Variants in RCAN2 observed in about 807,000 individuals in gnomAD.
RCAN2 encodes the protein regulator of calcineurin 2.
RCAN2 carries 9 observed loss-of-function variants against 23.6 expected under a neutral mutation model. The observed-to-expected ratio is 0.38, with a 90% CI of 0.23 to 0.67. The LOEUF (loss-of-function observed/expected upper bound fraction) is 0.67. Among genes scored for constraint, RCAN2 ranks in the 30% least tolerant of loss-of-function variants. The pLI is 0.51. For missense variants in RCAN2, 273 were observed against 302.3 expected, an observed-to-expected ratio of 0.90 and a Z score of 0.72; for synonymous variants, 109 against 115.7, an observed-to-expected ratio of 0.94 and a Z score of 0.37.
At chr6:46,443,092 T>G (rs1474687007) in intron 2 of RCAN2, among the ~76,000 whole-genome samples, 1 of 152,196 alleles carries the variant, frequency 6.6e-6, no homozygotes, top group African/African-American at 2.4e-5. Context: ...AATTTAAATA[T>G]TCCTTAAGAC....
intron 1 of RCAN2, among the ~76,000 whole-genome samples, chr6:46,466,209 G>A (rs1207494180): frequency 6.6e-6 from 1 of 152,152 alleles, no homozygotes; most frequent in Non-Finnish European, 1.5e-5. Flanking sequence ...TTCAAAAGTG[G>A]GCAGCAAAGC....
intron 2 of RCAN2, among the ~76,000 whole-genome samples, chr6:46,264,382 T>G (rs529647442): frequency 2.0e-5 from 3 of 152,344 alleles, no homozygotes; most frequent in East Asian, 1.9e-4. Flanking sequence ...GGCATTTGCA[T>G]TCTTTTAAGA....
chr6:46,480,122 C>A (rs946158321), intron 1 of RCAN2, among the ~76,000 whole-genome samples: 4 of 152,160 alleles, frequency 2.6e-5, no homozygotes, highest in Non-Finnish European at 5.9e-5. Flanking sequence ...CCCACTTTGA[C>A]AAGGAATGGT....
intron 2 of RCAN2, among the ~76,000 whole-genome samples, chr6:46,294,297 A>G (rs924031637): frequency 1.1e-4 from 17 of 152,206 alleles, no homozygotes; most frequent in Admixed American, 5.9e-4. Flanking sequence ...ATCAGAAAAC[A>G]TATAATTTAA....
chr6:46,234,300 C>T (rs1180921190), intron 4 of RCAN2, among the ~76,000 whole-genome samples: 2 of 152,222 alleles, frequency 1.3e-5, no homozygotes, highest in African/African-American at 4.8e-5. Flanking sequence ...TTAACAGCTG[C>T]TGAGAACCAC....
intron 1 of RCAN2, among the ~76,000 whole-genome samples, chr6:46,475,504 A>G (rs1475966448): frequency 6.6e-6 from 1 of 152,214 alleles, no homozygotes; most frequent in African/African-American, 2.4e-5. Flanking sequence ...ACTTGAAGGG[A>G]AGTGAAGAAG....
At chr6:46,476,592 T>C (rs1416800215) in intron 1 of RCAN2, among the ~76,000 whole-genome samples, 1 of 152,194 alleles carries the variant, frequency 6.6e-6, no homozygotes, top group Non-Finnish European at 1.5e-5. Context: ...AAAGGAAACA[T>C]ATATTTTTGT....
At chr6:46,335,969 C>T (rs1245562590) in intron 2 of RCAN2, among the ~76,000 whole-genome samples, 1 of 152,128 alleles carries the variant, frequency 6.6e-6, no homozygotes, top group Non-Finnish European at 1.5e-5. Context: ...GTAATTTGCC[C>T]AAGGACAACT....
chr6:46,248,796 G>T lies in RCAN2; in HGVS notation c.326C>A (p.Ser109Tyr). The T allele has an allele frequency of 6.2e-7, 1 of 1,613,400 alleles. No homozygotes were observed. The highest frequency in any genetic ancestry group is 8.5e-7 in the Non-Finnish European group (1 of 1,179,788). Residue 109 changes from serine (S) to tyrosine (Y), a missense_variant, in exon 3 of 5, where the codon TCT becomes TAT. Transcript: ENST00000371374. ...RVRINFSNPK[S>Y]AARARIELHE... ...AAGCTCTATCCTAGCTCGGGCTGCA[G>T]ATTTAGGATTGCTGAAGTTTATACG...
intron 2 of RCAN2, among the ~76,000 whole-genome samples, chr6:46,279,783 G>C (rs537654209): frequency 6.6e-6 from 1 of 152,286 alleles, no homozygotes; most frequent in African/African-American, 2.4e-5. Flanking sequence ...TGTCAGTCTT[G>C]TCATCTGCAA....
chr6:46,400,977 G>A (rs1015704524), intron 2 of RCAN2, among the ~76,000 whole-genome samples: 5 of 152,152 alleles, frequency 3.3e-5, no homozygotes, highest in Non-Finnish European at 5.9e-5. Flanking sequence ...AGAATCTCTG[G>A]GAAAGGACAC....
intron 2 of RCAN2, among the ~76,000 whole-genome samples, chr6:46,432,068 T>C (rs751112537): frequency 6.6e-6 from 1 of 152,198 alleles, no homozygotes; most frequent in Non-Finnish European, 1.5e-5. Flanking sequence ...TTCCTACTAA[T>C]GAATTACACA....
chr6:46,425,718 TA>T (rs1377303321), intron 2 of RCAN2, among the ~76,000 whole-genome samples: 5 of 151,752 alleles, frequency 3.3e-5, no homozygotes, highest in East Asian at 1.9e-4. Context: ...CTACTTACCT[TA>T]AAAAAAACAG....
chr6:46,418,685 ATG>A (rs1229447451), intron 2 of RCAN2, among the ~76,000 whole-genome samples: 10 of 121,390 alleles, frequency 8.2e-5, no homozygotes, highest in African/African-American at 2.3e-4. Flanking sequence ...TCTCTAAAAT[ATG>A]TGTGTGTGTA....
At chr6:46,365,515 G>GAA (rs1765146619) in intron 2 of RCAN2, among the ~76,000 whole-genome samples, 1 of 143,684 alleles carries the variant, frequency 7.0e-6, no homozygotes, top group Non-Finnish European at 1.5e-5. Flanking sequence ...AAAAGAAAAA[G>GAA]AAAAAAAGAA....
chr6:46,365,319 T>C (rs1765136924), intron 2 of RCAN2, among the ~76,000 whole-genome samples: 1 of 151,580 alleles, frequency 6.6e-6, no homozygotes, highest in African/African-American at 2.4e-5. Context: ...CTACTAAAAA[T>C]ACAACAATTA....
At chr6:46,463,878 A>T (rs1475955549) in intron 1 of RCAN2, among the ~76,000 whole-genome samples, 4 of 152,210 alleles carry the variant, frequency 2.6e-5, no homozygotes, top group African/African-American at 9.6e-5. Context: ...AATGTTAAAG[A>T]TTCACCTCAT....
intron 2 of RCAN2, among the ~76,000 whole-genome samples, chr6:46,274,994 A>G (rs919692114): frequency 6.6e-6 from 1 of 152,210 alleles, no homozygotes; most frequent in Non-Finnish European, 1.5e-5. Flanking sequence ...GCAGGCTGAG[A>G]ATATAGTGGC....
chr6:46,302,024 A>G (rs1423317675), intron 2 of RCAN2, among the ~76,000 whole-genome samples: 6 of 152,084 alleles, frequency 3.9e-5, no homozygotes, highest in Admixed American at 3.9e-4. Context: ...GGATTATAGT[A>G]CAGCAAGTGT....
Sources: allele counts gnomAD v4.1 joint callset (sites outside exome capture counted in the v4.1 genomes callset), GRCh38; gene constraint gnomAD v4.1.1; transcripts MANE v1.5; gene names NCBI Gene and HGNC (gene_info 2026-07-23, HGNC 2026-07-21).